The following DRC8 variants were observed in gnomAD, a reference collection of about 807,000 sequenced individuals.
DRC8 encodes the protein dynein regulatory complex protein 8.
chr1:245,087,149 G>T, the DRC8 span: 3 of 1,520,498 alleles, frequency 2.0e-6, no homozygotes, highest in South Asian at 3.8e-5. Flanking sequence ...GGCACTGTGG[G>T]AGCTTGTGGG....
At chr1:245,004,677 G>A in the DRC8 span, among the ~76,000 whole-genome samples, 11 of 152,122 alleles carry the variant, frequency 7.2e-5, no homozygotes, top group Admixed American at 5.9e-4. Context: ...TCCCCTTAAC[G>A]TGTGTGCCAG....
chr1:245,042,969 G>A, the DRC8 span, among the ~76,000 whole-genome samples: 2 of 152,140 alleles, frequency 1.3e-5, no homozygotes, highest in African/African-American at 2.4e-5. Context: ...ATGACACCAC[G>A]ATTGGGCCAC....
At chr1:245,115,978 C>G in the DRC8 span, among the ~76,000 whole-genome samples, 1 of 150,686 alleles carries the variant, frequency 6.6e-6, no homozygotes, top group African/African-American at 2.5e-5. Flanking sequence ...CCTCTGCCTC[C>G]CGGGTTCAAG....
chr1:245,078,807 G>A, the DRC8 span, among the ~76,000 whole-genome samples: 3 of 152,168 alleles, frequency 2.0e-5, no homozygotes, highest in Non-Finnish European at 2.9e-5. Flanking sequence ...TAGTTCTCAA[G>A]TATTCTCACC....
chr1:245,067,758 G>C, the DRC8 span, among the ~76,000 whole-genome samples: 2 of 152,128 alleles, frequency 1.3e-5, no homozygotes, highest in African/African-American at 4.8e-5. Flanking sequence ...GAAGAGCCCT[G>C]GGACTTTACA....
chr1:245,040,320 C>G, the DRC8 span, among the ~76,000 whole-genome samples: 3 of 152,188 alleles, frequency 2.0e-5, no homozygotes, highest in African/African-American at 4.8e-5. Flanking sequence ...AATATGCAGA[C>G]AGCATAGGAT....
the DRC8 span, among the ~76,000 whole-genome samples, chr1:245,057,533 G>A: frequency 6.6e-6 from 1 of 152,132 alleles, no homozygotes; most frequent in Non-Finnish European, 1.5e-5. Context: ...TCCATTTGCA[G>A]TAGTCACATT....
the DRC8 span, among the ~76,000 whole-genome samples, chr1:245,040,118 C>T: frequency 6.6e-6 from 1 of 152,112 alleles, no homozygotes; most frequent in Non-Finnish European, 1.5e-5. Flanking sequence ...TGCCAAGCGG[C>T]GTTTTGGTGT....
the DRC8 span, among the ~76,000 whole-genome samples, chr1:245,120,821 G>A: frequency 1.3e-5 from 2 of 152,206 alleles, no homozygotes; most frequent in Non-Finnish European, 2.9e-5. Context: ...GAATAACGTG[G>A]AATAATGCAA....
the DRC8 span, among the ~76,000 whole-genome samples, chr1:245,065,583 C>T: frequency 2.0e-5 from 3 of 152,206 alleles, no homozygotes; most frequent in African/African-American, 7.2e-5. Context: ...CTTCTCTTTG[C>T]ATAATCTGTT....
the DRC8 span, among the ~76,000 whole-genome samples, chr1:245,050,320 G>A: frequency 1.3e-5 from 2 of 151,642 alleles, no homozygotes; most frequent in African/African-American, 4.9e-5. Flanking sequence ...GGCTGGTCTC[G>A]AACTCCTGAC....
chr1:245,080,197 G>T, the DRC8 span, among the ~76,000 whole-genome samples: 1 of 152,108 alleles, frequency 6.6e-6, no homozygotes, highest in African/African-American at 2.4e-5. Flanking sequence ...TGCTGAATTG[G>T]GATCTTTGAG....
chr1:245,048,399 A>T, the DRC8 span, among the ~76,000 whole-genome samples: 2 of 152,246 alleles, frequency 1.3e-5, no homozygotes, highest in African/African-American at 4.8e-5. Context: ...TGATACAGAT[A>T]GTATAACACC....
chr1:244,996,751 A>G, the DRC8 span, among the ~76,000 whole-genome samples: 4 of 152,190 alleles, frequency 2.6e-5, no homozygotes, highest in African/African-American at 7.2e-5. Flanking sequence ...GTATTTAAAT[A>G]TGAATTTTCT....
chr1:245,098,508 C>T, the DRC8 span, among the ~76,000 whole-genome samples: 1 of 152,208 alleles, frequency 6.6e-6, no homozygotes, highest in African/African-American at 2.4e-5. Context: ...ATCCCAGGTC[C>T]TATTCCGTCC....
the DRC8 span, among the ~76,000 whole-genome samples, chr1:245,041,400 T>C: frequency 6.6e-6 from 1 of 152,158 alleles, no homozygotes; most frequent in Non-Finnish European, 1.5e-5. Context: ...TTACATGTTA[T>C]GATTTTCATT....
chr1:245,086,809 C>CA, the DRC8 span: 1 of 533,752 alleles, frequency 1.9e-6, no homozygotes, highest in Admixed American at 1.9e-5. Flanking sequence ...CTCAAGATCT[C>CA]AGAGCTCGTG....
the DRC8 span, among the ~76,000 whole-genome samples, chr1:245,096,845 G>C: frequency 6.6e-6 from 1 of 152,158 alleles, no homozygotes; most frequent in Non-Finnish European, 1.5e-5. Flanking sequence ...GTCAGGTATA[G>C]GATATGTGAC....
chr1:245,040,125 G>C, the DRC8 span, among the ~76,000 whole-genome samples: 1 of 152,182 alleles, frequency 6.6e-6, no homozygotes, highest in Non-Finnish European at 1.5e-5. Context: ...CGGCGTTTTG[G>C]TGTTATTTTT....
Sources: allele counts gnomAD v4.1 joint callset (sites outside exome capture counted in the v4.1 genomes callset), GRCh38; gene constraint gnomAD v4.1.1; transcripts MANE v1.5; gene names NCBI Gene and HGNC (gene_info 2026-07-23, HGNC 2026-07-21).